The following DYSF variants were observed in gnomAD, a reference collection of about 807,000 sequenced individuals.
The protein encoded by DYSF is dysferlin.
A neutral mutation model predicts 274.9 loss-of-function variants in DYSF; 212 were observed. The observed-to-expected ratio is 0.77, with a 90% CI of 0.69 to 0.86. The LOEUF is 0.86. Ranked by LOEUF, DYSF falls within the 40% of genes least tolerant of loss-of-function variation. The probability of loss-of-function intolerance (pLI) is 0.00; values close to 1 mark genes in which losing one functional copy is unlikely to be tolerated. For synonymous variants in DYSF, 1,091 were observed against 1,078.7 expected, an observed-to-expected ratio of 1.01 and a Z score of -0.22; for missense variants, 2,666 against 2,783.2, an observed-to-expected ratio of 0.96 and a Z score of 0.95.
intron 1 of DYSF, among the ~76,000 whole-genome samples, chr2:71,460,661 G>A (rs1477774238): frequency 2.0e-5 from 3 of 152,170 alleles, no homozygotes; most frequent in Non-Finnish European, 4.4e-5. Flanking sequence ...GCCAGACTAG[G>A]AAGTTGGAGG....
chr2:71,549,313 C>G (rs751721042), intron 17 of DYSF: 17 of 1,606,072 alleles, frequency 1.1e-5, no homozygotes, highest in Non-Finnish European at 1.4e-5. Flanking sequence ...CCCAGCCATG[C>G]CCACCCTAAC....
At chr2:71,535,454 G>A in intron 16 of DYSF, 143 bp downstream of exon 16, 1 of 895,968 alleles carries the variant, frequency 1.1e-6, no homozygotes, top group East Asian at 2.4e-5. Flanking sequence ...GGTAGCCAGG[G>A]ATGGAGAGGG....
At chr2:71,526,419 G>A in intron 13 of DYSF, 73 bp downstream of exon 13, 1 of 1,329,954 alleles carries the variant, frequency 7.5e-7, no homozygotes, top group Non-Finnish European at 1.0e-6. Context: ...GGTGGGCGAT[G>A]GCGGGCGGGG....
At chr2:71,519,811 G>GTTTTTTTTTTTTTTTTTTTTTTT in intron 10 of DYSF, among the ~76,000 whole-genome samples, 1 of 102,286 alleles carries the variant, frequency 9.8e-6, no homozygotes, top group Non-Finnish European at 1.9e-5. Flanking sequence ...CACCCGGCTA[G>GTTTTTTTTTTTTTTTTTTTTTTT]TTTTTTTTTT....
chr2:71,457,210 C>T (rs191007901), intron 1 of DYSF, among the ~76,000 whole-genome samples: 11 of 152,234 alleles, frequency 7.2e-5, no homozygotes, highest in Admixed American at 4.6e-4. Context: ...CATCATGACC[C>T]GGTTATAATT....
At chr2:71,464,961 G>T (rs1330750353), upstream of DYSF, among the ~76,000 whole-genome samples, 1 of 152,082 alleles carries the variant, frequency 6.6e-6, no homozygotes, top group South Asian at 2.1e-4. Flanking sequence ...TTGGTGACCT[G>T]GTGGGGTTGA....
chr2:71,546,150 G>A (rs530615477), intron 17 of DYSF, among the ~76,000 whole-genome samples: 7 of 152,364 alleles, frequency 4.6e-5, no homozygotes, highest in Admixed American at 3.9e-4. Flanking sequence ...CGGCCTTGAG[G>A]TCGGGCCCTT....
chr2:71,503,426 C>A (rs1265539872), intron 4 of DYSF, 107 bp downstream of exon 4: 11 of 1,174,992 alleles, frequency 9.4e-6, no homozygotes, highest in Admixed American at 1.8e-5. Flanking sequence ...ACTTCAGCTC[C>A]CTTGAAGCAG....
intron 22 of DYSF, among the ~76,000 whole-genome samples, chr2:71,560,424 C>T (rs1044794477): frequency 2.6e-5 from 4 of 151,916 alleles, no homozygotes; most frequent in African/African-American, 9.7e-5. Context: ...CAGGCCCCCG[C>T]CCCGCTACCC....
intron 42 of DYSF, among the ~76,000 whole-genome samples, chr2:71,652,035 C>A (rs373719699): frequency 6.6e-6 from 1 of 152,220 alleles, no homozygotes. Flanking sequence ...CAACATCCAA[C>A]TTCATGACTT....
At chr2:71,537,223 GTTT>G (rs71402990) in intron 16 of DYSF, among the ~76,000 whole-genome samples, 8 of 79,650 alleles carry the variant, frequency 1.0e-4, no homozygotes, top group South Asian at 1.0e-3. Context: ...TTCTAGTTTT[GTTT>G]TTTTTTTTTT....
intron 3 of DYSF, among the ~76,000 whole-genome samples, chr2:71,493,760 G>A (rs2084095412): frequency 1.4e-5 from 2 of 142,584 alleles, no homozygotes; most frequent in African/African-American, 5.2e-5. Flanking sequence ...GCTGAGGCAG[G>A]AGAATTGCTT....
intron 21 of DYSF, 21 bp from the exon 22 acceptor site, chr2:71,555,944 C>T: frequency 1.3e-6 from 2 of 1,548,772 alleles, no homozygotes; most frequent in Non-Finnish European, 1.7e-6. Context: ...CACACCTGAC[C>T]CTTGCCTGCC....
intron 41 of DYSF, among the ~76,000 whole-genome samples, chr2:71,627,047 G>T (rs2094218896): frequency 6.6e-6 from 1 of 150,656 alleles, no homozygotes; most frequent in African/African-American, 2.4e-5. Flanking sequence ...TATTATTCTT[G>T]CCAGAATTTA....
chr2:71,549,135 G>A (rs567364835), intron 17 of DYSF, among the ~76,000 whole-genome samples: 2 of 152,320 alleles, frequency 1.3e-5, no homozygotes, highest in South Asian at 4.1e-4. Context: ...CTCATGGGGT[G>A]TTGGGGGCTG....
intron 30 of DYSF, among the ~76,000 whole-genome samples, chr2:71,587,734 A>G (rs2093120103): frequency 1.3e-5 from 2 of 152,246 alleles, no homozygotes; most frequent in Admixed American, 1.3e-4. Context: ...CAGCAGGGCC[A>G]GAACTGGAGC....
At chr2:71,684,515 G>T (rs1329779019) in intron 55 of DYSF, among the ~76,000 whole-genome samples, 1 of 152,214 alleles carries the variant, frequency 6.6e-6, no homozygotes, top group African/African-American at 2.4e-5. Flanking sequence ...ATGCCACTGG[G>T]GAGTGCTCAC....
chr2:71,656,986 A>C (rs2094787488), intron 43 of DYSF, among the ~76,000 whole-genome samples: 1 of 152,206 alleles, frequency 6.6e-6, no homozygotes, highest in South Asian at 2.1e-4. Flanking sequence ...AGAGTCCCCC[A>C]AAGTTAACTC....
At chr2:71,669,329 G>C in intron 50 of DYSF, 122 bp downstream of exon 50, 1 of 946,506 alleles carries the variant, frequency 1.1e-6, no homozygotes, top group Non-Finnish European at 1.7e-6. Context: ...TTCCAACGAG[G>C]GCTCCTGGGG....
Sources: gnomAD v4.1 joint callset for allele counts (sites outside exome capture counted in the v4.1 genomes callset) on GRCh38, gnomAD v4.1.1 for gene constraint, MANE v1.5 for transcripts, NCBI Gene and HGNC (gene_info 2026-07-23, HGNC 2026-07-21) for gene names.